CILK1: variants seen among roughly 807,000 people sequenced by gnomAD.
The protein encoded by CILK1 is serine/threonine-protein kinase ICK.
Under a neutral mutation model 79.2 loss-of-function variants are expected in CILK1, and 47 were observed. That is an observed-to-expected ratio of 0.59 (90% CI 0.47 to 0.76). The LOEUF is 0.76. Ranked by LOEUF, CILK1 falls within the 30% of genes least tolerant of loss-of-function variation. The pLI is 0.00. For synonymous variants in CILK1, 266 were observed against 275.9 expected (o/e 0.96, Z 0.36); for missense variants, 660 against 769.5 (o/e 0.86, Z 1.68).
At chr6:53,055,404 C>G (rs1019744789) in intron 1 of CILK1, among the ~76,000 whole-genome samples, 1 of 152,178 alleles carries the variant, frequency 6.6e-6, no homozygotes, top group African/African-American at 2.4e-5. Flanking sequence ...AGCAAGCAAA[C>G]CTTTTAAGCA....
At chr6:53,031,677 G>A (rs1765971712) in intron 4 of CILK1, among the ~76,000 whole-genome samples, 1 of 152,162 alleles carries the variant, frequency 6.6e-6, no homozygotes, top group East Asian at 1.9e-4. Flanking sequence ...GAGTACTGCA[G>A]CAAGAGAGGA....
intron 1 of CILK1, among the ~76,000 whole-genome samples, chr6:53,049,204 C>G (rs1767310512): frequency 6.6e-6 from 1 of 152,250 alleles, no homozygotes; most frequent in African/African-American, 2.4e-5. Context: ...CTATCCACTA[C>G]AGCTGAAAGC....
intron 9 of CILK1, 67 bp from the exon 10 acceptor site, chr6:53,012,294 T>G: frequency 6.9e-7 from 1 of 1,455,352 alleles, no homozygotes; most frequent in East Asian, 2.3e-5. Context: ...ATGAGTAATC[T>G]CCATCTGAAC....
At chr6:53,054,848 G>A (rs1052375322) in intron 1 of CILK1, among the ~76,000 whole-genome samples, 8 of 152,186 alleles carry the variant, frequency 5.3e-5, no homozygotes, top group Admixed American at 2.6e-4. Context: ...GTCAATCCTC[G>A]GTGGAGGCAA....
chr6:53,002,354 C>T lies in CILK1; in HGVS notation c.*2795G>A, dbSNP rs1188827524. ...TATCATTTCCTGACATCCCAGTAAG[C>T]TTTCTGACTGTAAATGAGGTATAGT... is the stretch of plus-strand genomic sequence containing the variant. On this transcript the variant is annotated 3_prime_UTR_variant, in exon 14 of 14. Transcript: ENST00000676107. The T allele has an allele frequency of 6.6e-6, 1 of 152,178 alleles. No homozygotes were observed. Among genetic ancestry groups the T allele is most frequent in the Non-Finnish European group, 1.5e-5 (1 of 68,038 alleles). 9.4% of individuals were successfully genotyped at this position (152,178 alleles called of 1,614,324 possible). A position where few individuals can be genotyped will look rare whatever the true frequency, so the allele number is the denominator to read the frequency against.
At chr6:53,028,601 T>C (rs1310660611) in intron 5 of CILK1, among the ~76,000 whole-genome samples, 1 of 152,238 alleles carries the variant, frequency 6.6e-6, no homozygotes, top group African/African-American at 2.4e-5. Context: ...AAACTGGAAC[T>C]GGGCACTTAA....
intron 1 of CILK1, among the ~76,000 whole-genome samples, chr6:53,052,548 T>C (rs1178704992): frequency 2.0e-5 from 3 of 151,982 alleles, no homozygotes; most frequent in Non-Finnish European, 4.4e-5. Context: ...CTGGCCAACA[T>C]GGTGAAACCC....
intron 3 of CILK1, 119 bp downstream of exon 3, chr6:53,037,811 ATCATTTGCC>A: frequency 1.5e-6 from 1 of 650,750 alleles, no homozygotes; most frequent in Non-Finnish European, 2.8e-6. Flanking sequence ...CTGTAATGTT[ATCATTTGCC>A]TCCCTTTCCA....
intron 9 of CILK1, among the ~76,000 whole-genome samples, chr6:53,012,498 A>AGATGG (rs1159943102): frequency 1.3e-5 from 2 of 152,224 alleles, no homozygotes; most frequent in African/African-American, 2.4e-5. Flanking sequence ...CACACCAGGA[A>AGATGG]GATGGCTAAA....
chr6:53,004,548 T>C lies in CILK1; in HGVS notation c.*601A>G, dbSNP rs949297344. On this transcript the variant is annotated 3_prime_UTR_variant, in exon 14 of 14. Coordinates refer to ENST00000676107, the MANE Select transcript of CILK1 (RefSeq NM_014920.5). ...AAACAAAGTGAATTATATAATATAATAGTCCTTTTAGAACAGCAGAGTGGT... is the reference window on the plus strand; with the variant it reads ...AAACAAAGTGAATTATATAATATAACAGTCCTTTTAGAACAGCAGAGTGGT... 6.5e-6 allele frequency: 1 copy of C among 152,768 alleles called. No individual in the cohort carries two copies. The highest frequency in any genetic ancestry group is 2.4e-5 in the African/African-American group (1 of 41,444). The allele number at this position is 152,768 out of a possible 1,614,324, so 9.5% of individuals were successfully genotyped here.
intron 11 of CILK1, 81 bp from the exon 12 acceptor site, chr6:53,009,648 A>C: frequency 8.0e-7 from 1 of 1,252,162 alleles, no homozygotes; most frequent in South Asian, 1.3e-5. Flanking sequence ...TTAATGCAGA[A>C]CTCAATTTGT....
chr6:53,047,948 A>C (rs760415633), intron 1 of CILK1, among the ~76,000 whole-genome samples: 2 of 152,122 alleles, frequency 1.3e-5, no homozygotes, highest in Non-Finnish European at 2.9e-5. Context: ...GGAGATGCTC[A>C]ATAAGCAAAT....
At chr6:53,023,254 C>T (rs561662568) in intron 5 of CILK1, among the ~76,000 whole-genome samples, 3 of 152,206 alleles carry the variant, frequency 2.0e-5, no homozygotes, top group South Asian at 2.1e-4. Context: ...ATGAATTAGA[C>T]AGAAGCACTT....
At chr6:53,010,253 T>C (rs917372053) in intron 11 of CILK1, among the ~76,000 whole-genome samples, 1 of 152,154 alleles carries the variant, frequency 6.6e-6, no homozygotes, top group Non-Finnish European at 1.5e-5. Flanking sequence ...AAGAACAAAA[T>C]GTCAATCCTG....
intron 5 of CILK1, among the ~76,000 whole-genome samples, chr6:53,029,990 T>C (rs2127436260): frequency 6.6e-6 from 1 of 152,302 alleles, no homozygotes; most frequent in South Asian, 2.1e-4. Flanking sequence ...GAAGTATTGA[T>C]CCAACCCCAG....
At chr6:53,057,930 A>G (rs1768040399) in intron 1 of CILK1, 1 of 152,204 alleles carries the variant, frequency 6.6e-6, no homozygotes, top group Non-Finnish European at 1.5e-5. Flanking sequence ...GAGCCCATAT[A>G]GTTTAAAAAA....
chr6:53,013,452 T>C (rs902352312), intron 9 of CILK1, among the ~76,000 whole-genome samples: 6 of 152,228 alleles, frequency 3.9e-5, no homozygotes, highest in East Asian at 3.8e-4. Context: ...GCTGCCTCCA[T>C]TAGTGACAAC....
chr6:53,007,295 C>T (rs1007349718), intron 12 of CILK1, among the ~76,000 whole-genome samples: 22 of 152,304 alleles, frequency 1.4e-4, no homozygotes, highest in Middle Eastern at 3.4e-3. Context: ...TCTAGAATGC[C>T]TGCGTGAGGA....
At chr6:53,045,220 T>C (rs1766981210) in intron 1 of CILK1, among the ~76,000 whole-genome samples, 1 of 152,206 alleles carries the variant, frequency 6.6e-6, no homozygotes, top group East Asian at 1.9e-4. Context: ...ATTACTGTAT[T>C]ATGGAATAGA....
Sources: allele counts gnomAD v4.1 joint callset (sites outside exome capture counted in the v4.1 genomes callset), GRCh38; gene constraint gnomAD v4.1.1; transcripts MANE v1.5; gene names NCBI Gene and HGNC (gene_info 2026-07-23, HGNC 2026-07-21).